Variants in VTI1A observed in about 807,000 individuals in gnomAD.
VTI1A encodes the protein vesicle transport through interaction with t-SNAREs homolog 1A.
Under a neutral mutation model 34.9 loss-of-function variants are expected in VTI1A, and 22 were observed. The ratio of observed to expected loss-of-function variants is 0.63; its 90% CI spans 0.45 to 0.90. VTI1A has a LOEUF of 0.90. Ranked by LOEUF, VTI1A falls within the 40% of genes least tolerant of loss-of-function variation. The probability of loss-of-function intolerance (pLI) is 0.00; values close to 1 mark genes in which losing one functional copy is unlikely to be tolerated. For synonymous variants in VTI1A, 87 were observed against 97.3 expected, an observed-to-expected ratio of 0.89 and a Z score of 0.62; for missense variants, 268 against 275.6, an observed-to-expected ratio of 0.97 and a Z score of 0.20.
intron 5 of VTI1A, among the ~76,000 whole-genome samples, chr10:112,653,663 T>C (rs1590029891): frequency 6.6e-6 from 1 of 152,218 alleles, no homozygotes; most frequent in South Asian, 2.1e-4. Flanking sequence ...CAGTGGCTAG[T>C]ATAAAATGAA....
chr10:112,631,017 G>T (rs894050412), intron 5 of VTI1A, among the ~76,000 whole-genome samples: 1 of 152,120 alleles, frequency 6.6e-6, no homozygotes, highest in Non-Finnish European at 1.5e-5. Context: ...AGCTACCTGG[G>T]AGGCTGAGAC....
chr10:112,672,716 A>G (rs1034291082), intron 7 of VTI1A: 2 of 152,066 alleles, frequency 1.3e-5, no homozygotes, highest in Admixed American at 6.6e-5. Context: ...CTGTGTGTGT[A>G]TTTTTTCTAT....
At chr10:112,710,894 G>A (rs1318454689) in intron 7 of VTI1A, among the ~76,000 whole-genome samples, 3 of 152,116 alleles carry the variant, frequency 2.0e-5, no homozygotes, top group African/African-American at 7.2e-5. Context: ...CCTCAAAAGA[G>A]CTATTCTTCC....
At chr10:112,720,637 T>G (rs1849770418) in intron 7 of VTI1A, among the ~76,000 whole-genome samples, 1 of 152,034 alleles carries the variant, frequency 6.6e-6, no homozygotes, top group African/African-American at 2.4e-5. Flanking sequence ...ATGTATACGT[T>G]GAAGATGTTC....
intron 7 of VTI1A, among the ~76,000 whole-genome samples, chr10:112,685,771 G>T (rs1268139056): frequency 2.6e-5 from 4 of 152,068 alleles, no homozygotes; most frequent in Admixed American, 2.6e-4. Context: ...TGCAAATGGA[G>T]AGCTGCTTGA....
chr10:112,623,275 A>C (rs1383880819), intron 5 of VTI1A, among the ~76,000 whole-genome samples: 1 of 152,158 alleles, frequency 6.6e-6, no homozygotes, highest in African/African-American at 2.4e-5. Context: ...GCTTTTTAAC[A>C]TTGTAAATCC....
At chr10:112,691,296 A>G (rs1298711695) in intron 7 of VTI1A, among the ~76,000 whole-genome samples, 1 of 151,688 alleles carries the variant, frequency 6.6e-6, no homozygotes, top group Non-Finnish European at 1.5e-5. Context: ...TAAATAAATA[A>G]ATAAATAAAT....
chr10:112,638,481 A>T (rs1236211264), intron 5 of VTI1A, among the ~76,000 whole-genome samples: 1 of 152,214 alleles, frequency 6.6e-6, no homozygotes, highest in Non-Finnish European at 1.5e-5. Context: ...GCAATCCCCT[A>T]AATATTTATT....
intron 5 of VTI1A, among the ~76,000 whole-genome samples, chr10:112,634,405 C>T (rs1159987293): frequency 6.6e-6 from 1 of 151,576 alleles, no homozygotes; most frequent in African/African-American, 2.4e-5. Context: ...GATTGTGCCT[C>T]GAGTTTTAAG....
chr10:112,687,464 A>T (rs1300393090), intron 7 of VTI1A, among the ~76,000 whole-genome samples: 3 of 151,046 alleles, frequency 2.0e-5, no homozygotes, highest in Non-Finnish European at 4.4e-5. Flanking sequence ...CGATCTCCTG[A>T]CCTCGTGATC....
At chr10:112,634,514 TACACACACACACAC>T (rs10545562) in intron 5 of VTI1A, among the ~76,000 whole-genome samples, 15 of 144,326 alleles carry the variant, frequency 1.0e-4, no homozygotes, top group Admixed American at 2.7e-4. Context: ...CACACACACA[TACACACACACACAC>T]ACACACACAC....
intron 5 of VTI1A, among the ~76,000 whole-genome samples, chr10:112,552,935 G>C (rs912677225): frequency 7.2e-5 from 11 of 152,140 alleles, no homozygotes; most frequent in African/African-American, 2.4e-4. Flanking sequence ...ATTAAACACT[G>C]TAAGATTATC....
intron 3 of VTI1A, among the ~76,000 whole-genome samples, chr10:112,520,621 ATG>A (rs150383079): frequency 0.012 from 1,624 of 138,024 alleles, 24 homozygotes; most frequent in African/African-American, 0.029. Flanking sequence ...TAGTCTCTAT[ATG>A]TGTGTGTGTG....
intron 5 of VTI1A, among the ~76,000 whole-genome samples, chr10:112,655,611 A>G (rs997575408): frequency 6.6e-6 from 1 of 152,182 alleles, no homozygotes. Context: ...AAGCTAAGAA[A>G]CGTGATGAAT....
intron 7 of VTI1A, among the ~76,000 whole-genome samples, chr10:112,703,388 A>C (rs1472035437): frequency 6.6e-6 from 1 of 152,062 alleles, no homozygotes; most frequent in Non-Finnish European, 1.5e-5. Context: ...ACCAACATGG[A>C]GAAACCCCAT....
In VTI1A at chr10:112,464,470, A is replaced by G. The variant is rs1210464526; in HGVS notation, c.154-77A>G. ...CTACAAAATGAGGAACTGGAATTAG[A>G]TCCTTTCAGCCGTAAACATTTGTTC... On this transcript the variant is annotated intron_variant, in intron 2 of 7. Transcript: ENST00000393077. 3 of 1,304,216 alleles carry G rather than the reference A, an allele frequency of 2.3e-6. No homozygotes were observed. In the African/African-American group the frequency reaches 4.5e-5, roughly 19 times the overall value. 80.8% of individuals were successfully genotyped at this position (1,304,216 alleles called of 1,614,324 possible).
intron 3 of VTI1A, among the ~76,000 whole-genome samples, chr10:112,476,451 G>A (rs1174492039): frequency 2.6e-5 from 4 of 152,140 alleles, no homozygotes; most frequent in Non-Finnish European, 5.9e-5. Flanking sequence ...ATTTTTAAAT[G>A]AAATGCCTTT....
Position 112,777,922 on chromosome 10 carries a change from G to A in VTI1A, c.561-37368G>A, listed in dbSNP as rs565666512. On this transcript the variant is annotated intron_variant, in intron 7 of 7. Coordinates refer to ENST00000393077, the MANE Select transcript of VTI1A (RefSeq NM_145206.4). ...GTTCCAGACCAGCCTGACCAACATG[G>A]AGAAACCCCGTCTCTACTAAAAATA... Among the ~76,000 whole-genome samples the A allele has an allele frequency of 5.3e-5, 8 of 152,276 alleles. No homozygotes were observed. The South Asian group carries it at 1.7e-3, about 32-fold the overall frequency.
At position 112,817,152 on chromosome 10, in the gene VTI1A, C is replaced by A. The variant is rs1853546995; in HGVS notation, c.*1769C>A. 1 of 232,626 alleles carries A rather than the reference C, an allele frequency of 4.3e-6. No homozygotes were observed. The highest frequency in any genetic ancestry group is 8.5e-6 in the Non-Finnish European group (1 of 117,708). 14.4% of individuals were successfully genotyped at this position (232,626 alleles called of 1,614,324 possible). ...AAAAGCAAGGAAACAAACAAACAACCCTTTTCTCATTCCGACACACGAATA... is the reference window on the plus strand; with the variant it reads ...AAAAGCAAGGAAACAAACAAACAACACTTTTCTCATTCCGACACACGAATA... On this transcript the variant is annotated 3_prime_UTR_variant, in exon 8 of 8. Transcript: ENST00000393077.
Sources: gnomAD v4.1 joint callset for allele counts (sites outside exome capture counted in the v4.1 genomes callset) on GRCh38, gnomAD v4.1.1 for gene constraint, MANE v1.5 for transcripts, NCBI Gene and HGNC (gene_info 2026-07-23, HGNC 2026-07-21) for gene names.